KCNIP1: variants seen among roughly 807,000 people sequenced by gnomAD.
KCNIP1 encodes the protein A-type potassium channel modulatory protein KCNIP1.
KCNIP1 carries 18 observed loss-of-function variants against 33.0 expected under a neutral mutation model. The ratio of observed to expected loss-of-function variants is 0.55; its 90% confidence interval spans 0.38 to 0.81. The LOEUF (loss-of-function observed/expected upper bound fraction) is 0.81. Ranked by LOEUF, KCNIP1 falls within the 30% of genes least tolerant of loss-of-function variation. KCNIP1 has a pLI of 0.00. For missense variants in KCNIP1, 238 were observed against 271.6 expected (o/e 0.88, Z 0.87); for synonymous variants, 93 against 98.3 (o/e 0.95, Z 0.32).
chr5:170,584,167 G>T (rs1757898648), intron 1 of KCNIP1, among the ~76,000 whole-genome samples: 1 of 152,248 alleles, frequency 6.6e-6, no homozygotes, highest in African/African-American at 2.4e-5. Flanking sequence ...GGTGAGAAAA[G>T]AAGTGCTGTG....
rs1243764045 is a variant in KCNIP1, at chr5:170,735,859, TTAACACCC to T, written c.*55_*62del. Reference sequence around the variant, plus strand: ...AGAGACATTGTACTAAACAACCACCTTAACACCCTGATCTGCCCTTGTTCTGATTTTAC... The same window carrying T: ...AGAGACATTGTACTAAACAACCACCTTGATCTGCCCTTGTTCTGATTTTAC... On this transcript the variant is annotated 3_prime_UTR_variant, in exon 8 of 8. Transcript: ENST00000328939. 2.5e-5 allele frequency: 37 copies of T among 1,468,516 alleles called. No homozygotes were observed. In the African/African-American group the frequency reaches 4.6e-4, roughly 18 times the overall value. The allele number at this position is 1,468,516 out of a possible 1,614,324, so 91.0% of individuals were successfully genotyped here. A position where few individuals can be genotyped will look rare whatever the true frequency, so the allele number is the denominator to read the frequency against.
intron 1 of KCNIP1, among the ~76,000 whole-genome samples, chr5:170,497,347 T>G (rs1182811345): frequency 6.6e-6 from 1 of 152,154 alleles, no homozygotes; most frequent in Non-Finnish European, 1.5e-5. Flanking sequence ...GTACCTATTT[T>G]ATAGATGTTG....
rs1210229170 is a variant in KCNIP1 at position 170,652,375 on chromosome 5, C to T, written c.62-66383C>T. 3.3e-5 allele frequency among the ~76,000 whole-genome samples: 5 copies of T among 151,100 alleles called. No homozygotes were observed. The East Asian group carries it at 9.7e-4, about 29-fold the overall frequency. ...TGACACATGCTTATAGTTTCAGCTA[C>T]TCGGGAGGCTGAGGTGGGAGGATAG... On this transcript the variant is annotated intron_variant, in intron 1 of 7. Transcript: ENST00000328939.
At chr5:170,607,378 T>C (rs1245508224) in intron 1 of KCNIP1, among the ~76,000 whole-genome samples, 1 of 152,214 alleles carries the variant, frequency 6.6e-6, no homozygotes, top group Non-Finnish European at 1.5e-5. Context: ...TATCTAAGCA[T>C]CATTATCAAA....
chr5:170,702,035 G>A (rs187887629), intron 1 of KCNIP1, among the ~76,000 whole-genome samples: 14 of 152,160 alleles, frequency 9.2e-5, no homozygotes, highest in Non-Finnish European at 1.6e-4. Flanking sequence ...AAACACCAGC[G>A]GTTCCCCTAA....
chr5:170,502,586 C>G (rs780979708), upstream of KCNIP1, among the ~76,000 whole-genome samples: 1 of 152,134 alleles, frequency 6.6e-6, no homozygotes. Context: ...GTATTATGAG[C>G]CTTGGGTCTG....
chr5:170,360,435 C>T (rs955398809), intron 1 of KCNIP1, among the ~76,000 whole-genome samples: 4 of 152,186 alleles, frequency 2.6e-5, no homozygotes, highest in Non-Finnish European at 4.4e-5. Flanking sequence ...CATGTGGCTA[C>T]TGGAGATGGA....
chr5:170,622,941 G>A (rs570890048), intron 1 of KCNIP1, among the ~76,000 whole-genome samples: 3 of 152,328 alleles, frequency 2.0e-5, no homozygotes, highest in Non-Finnish European at 4.4e-5. Context: ...GGGTGTGTGG[G>A]GTGGGAGATG....
At chr5:170,514,132 C>T (rs561936653) in intron 1 of KCNIP1, among the ~76,000 whole-genome samples, 4 of 152,304 alleles carry the variant, frequency 2.6e-5, no homozygotes, top group Admixed American at 1.3e-4. Flanking sequence ...TGAGCAGTTA[C>T]AGCTAGTTTC....
chr5:170,535,158 C>T (rs1315388008), intron 1 of KCNIP1, among the ~76,000 whole-genome samples: 2 of 152,168 alleles, frequency 1.3e-5, no homozygotes, highest in African/African-American at 2.4e-5. Flanking sequence ...GCTCTATCTC[C>T]AAGTGTGCCT....
intron 1 of KCNIP1, among the ~76,000 whole-genome samples, chr5:170,495,700 T>C (rs1561651323): frequency 6.6e-6 from 1 of 152,206 alleles, no homozygotes; most frequent in Admixed American, 6.5e-5. Context: ...GATGTGACCA[T>C]TGTTTCCGTG....
chr5:170,665,864 G>A (rs1295540660), intron 1 of KCNIP1, among the ~76,000 whole-genome samples: 1 of 152,170 alleles, frequency 6.6e-6, no homozygotes, highest in Non-Finnish European at 1.5e-5. Flanking sequence ...TGATTGCACT[G>A]GGGTTTGGGG....
At chr5:170,654,737 A>C (rs886083490) in intron 1 of KCNIP1, among the ~76,000 whole-genome samples, 2 of 152,256 alleles carry the variant, frequency 1.3e-5, no homozygotes, top group Admixed American at 1.3e-4. Flanking sequence ...AGTGTTAACT[A>C]ATTTCCAGGG....
intron 1 of KCNIP1, among the ~76,000 whole-genome samples, chr5:170,479,837 T>C (rs1756938791): frequency 6.6e-6 from 1 of 152,244 alleles, no homozygotes; most frequent in Non-Finnish European, 1.5e-5. Context: ...CCGAATTTTA[T>C]ACATCTATTA....
At chr5:170,503,200 C>A (rs1757451648), upstream of KCNIP1, among the ~76,000 whole-genome samples, 1 of 151,776 alleles carries the variant, frequency 6.6e-6, no homozygotes, top group African/African-American at 2.4e-5. Flanking sequence ...GCCCAGCCAG[C>A]CCAACATGGC....
chr5:170,499,568 A>G (rs1201924899), upstream of KCNIP1, among the ~76,000 whole-genome samples: 5 of 152,368 alleles, frequency 3.3e-5, no homozygotes, highest in South Asian at 8.3e-4. Flanking sequence ...CAATTCTAGC[A>G]GCCTCCCAAA....
intron 5 of KCNIP1, among the ~76,000 whole-genome samples, chr5:170,723,784 T>C (rs766671330): frequency 6.6e-6 from 1 of 152,050 alleles, no homozygotes; most frequent in Admixed American, 6.6e-5. Context: ...GCAGGGAAGG[T>C]TAGCAAAGGC....
intron 1 of KCNIP1, among the ~76,000 whole-genome samples, chr5:170,553,595 C>T (rs981951712): frequency 1.3e-5 from 2 of 152,164 alleles, no homozygotes; most frequent in African/African-American, 4.8e-5. Flanking sequence ...TCTTGTACGC[C>T]CAGAGGTGTG....
chr5:170,411,266 C>T (rs577852495), intron 1 of KCNIP1, among the ~76,000 whole-genome samples: 2 of 152,350 alleles, frequency 1.3e-5, no homozygotes, highest in South Asian at 4.1e-4. Flanking sequence ...GGGCAAATGT[C>T]ATTATGATGC....
Sources: allele counts gnomAD v4.1 joint callset (sites outside exome capture counted in the v4.1 genomes callset), GRCh38; gene constraint gnomAD v4.1.1; transcripts MANE v1.5; gene names NCBI Gene and HGNC (gene_info 2026-07-23, HGNC 2026-07-21).